DSCAML1: variants seen among roughly 807,000 people sequenced by gnomAD.
DSCAML1 encodes the protein cell adhesion molecule DSCAML1.
DSCAML1 carries 38 observed loss-of-function variants against 200.5 expected under a neutral mutation model. The ratio of observed to expected loss-of-function variants is 0.19; its 90% CI spans 0.15 to 0.25. DSCAML1 has a LOEUF of 0.25. DSCAML1 is among the 10% of genes least tolerant of loss of function. The pLI, the probability that DSCAML1 is intolerant of heterozygous loss-of-function variation, is 1.00. For missense variants in DSCAML1, 2,223 were observed against 2,858.8 expected (o/e 0.78, Z 5.07); for synonymous variants, 1,215 against 1,165.0 (o/e 1.04, Z -0.87).
At chr11:117,795,080 C>T (rs2055545743) in intron 1 of DSCAML1, among the ~76,000 whole-genome samples, 1 of 152,206 alleles carries the variant, frequency 6.6e-6, no homozygotes, top group African/African-American at 2.4e-5. Flanking sequence ...TGCTCCCGCC[C>T]TATCAAATAG....
At chr11:117,560,529 G>A (rs1326678921) in intron 3 of DSCAML1, among the ~76,000 whole-genome samples, 5 of 152,140 alleles carry the variant, frequency 3.3e-5, no homozygotes, top group Admixed American at 2.0e-4. Context: ...GTTAACTCAC[G>A]GGAAAGCCAG....
intron 17 of DSCAML1, among the ~76,000 whole-genome samples, chr11:117,464,137 G>A (rs1824178666): frequency 5.3e-5 from 8 of 152,158 alleles, no homozygotes; most frequent in Admixed American, 3.3e-4. Flanking sequence ...TGTTGGGGCG[G>A]GGTGGGTAGG....
intron 8 of DSCAML1, among the ~76,000 whole-genome samples, chr11:117,508,689 A>G (rs2049557554): frequency 6.6e-6 from 1 of 152,100 alleles, no homozygotes; most frequent in South Asian, 2.1e-4. Context: ...GAACACGAGC[A>G]AGGGGAGGGT....
intron 27 of DSCAML1, among the ~76,000 whole-genome samples, chr11:117,433,992 T>G (rs921640756): frequency 7.9e-5 from 12 of 152,204 alleles, no homozygotes; most frequent in Admixed American, 4.6e-4. Context: ...GGCCCCTGCT[T>G]TGTCTCAGAG....
At chr11:117,681,007 C>A (rs780831782) in intron 3 of DSCAML1, among the ~76,000 whole-genome samples, 2 of 152,206 alleles carry the variant, frequency 1.3e-5, no homozygotes, top group African/African-American at 2.4e-5. Flanking sequence ...GAAGAGGGGC[C>A]TCTGCTCCCC....
intron 3 of DSCAML1, among the ~76,000 whole-genome samples, chr11:117,689,201 C>G (rs2053456268): frequency 6.6e-6 from 1 of 152,218 alleles, no homozygotes; most frequent in South Asian, 2.1e-4. Context: ...TGGTTCTAGA[C>G]AGAAACGTTT....
At chr11:117,678,014 A>G (rs879225599) in intron 3 of DSCAML1, among the ~76,000 whole-genome samples, 2 of 152,330 alleles carry the variant, frequency 1.3e-5, no homozygotes, top group East Asian at 1.9e-4. Context: ...CCGGAGACCA[A>G]CCAAAAAGGT....
At chr11:117,486,381 TGGC>T (rs1389380259) in intron 11 of DSCAML1, among the ~76,000 whole-genome samples, 3 of 150,200 alleles carry the variant, frequency 2.0e-5, no homozygotes, top group African/African-American at 7.4e-5. Context: ...GATGTGAAAA[TGGC>T]GGATGTGAAA....
chr11:117,508,450 C>T (rs1330647336), intron 8 of DSCAML1, among the ~76,000 whole-genome samples: 3 of 151,898 alleles, frequency 2.0e-5, no homozygotes, highest in African/African-American at 7.3e-5. Flanking sequence ...CACAAACATA[C>T]GTCTCAATAT....
At chr11:117,531,087 G>C (rs1180306444) in intron 4 of DSCAML1, among the ~76,000 whole-genome samples, 4 of 152,212 alleles carry the variant, frequency 2.6e-5, no homozygotes, top group Non-Finnish European at 5.9e-5. Context: ...CGCGCAGGCT[G>C]TGATAAGAAC....
chr11:117,744,134 T>C (rs2054472583), intron 3 of DSCAML1, among the ~76,000 whole-genome samples: 1 of 152,250 alleles, frequency 6.6e-6, no homozygotes, highest in Admixed American at 6.5e-5. Flanking sequence ...GCATTTCACA[T>C]GGGTTATCTC....
chr11:117,542,371 G>A (rs2050288907), intron 3 of DSCAML1, among the ~76,000 whole-genome samples: 2 of 151,240 alleles, frequency 1.3e-5, no homozygotes. Context: ...AAACAGTGCA[G>A]GCGATGTAGT....
chr11:117,589,923 G>A (rs2051224977), intron 3 of DSCAML1, among the ~76,000 whole-genome samples: 2 of 152,186 alleles, frequency 1.3e-5, no homozygotes, highest in Admixed American at 1.3e-4. Flanking sequence ...AATGAACAGA[G>A]CTTGGGTTGA....
At chr11:117,620,036 G>A (rs947424812) in intron 3 of DSCAML1, among the ~76,000 whole-genome samples, 6 of 152,130 alleles carry the variant, frequency 3.9e-5, no homozygotes, top group Non-Finnish European at 7.4e-5. Context: ...AGCAAATTTC[G>A]TGAAACATCT....
intron 3 of DSCAML1, among the ~76,000 whole-genome samples, chr11:117,676,942 G>A (rs1046187338): frequency 2.0e-5 from 3 of 152,206 alleles, no homozygotes; most frequent in Non-Finnish European, 4.4e-5. Context: ...GGGTCCCACC[G>A]GGACAGGGGA....
At chr11:117,724,664 G>T (rs2054093464) in intron 3 of DSCAML1, among the ~76,000 whole-genome samples, 1 of 152,246 alleles carries the variant, frequency 6.6e-6, no homozygotes, top group Non-Finnish European at 1.5e-5. Flanking sequence ...TACAGCCTCA[G>T]TGGAAATGGT....
At chr11:117,510,587 C>T (rs1592681080) in intron 8 of DSCAML1, among the ~76,000 whole-genome samples, 2 of 152,152 alleles carry the variant, frequency 1.3e-5, no homozygotes, top group South Asian at 2.1e-4. Flanking sequence ...CTCTCAGCCT[C>T]TCTCCTGTTT....
In DSCAML1 at chr11:117,568,824, A is replaced by C. The variant is rs569280224; in HGVS notation, c.512-36302T>G. ...GGTAATTTACAGATTCAATGCCATCACCATCAGGCTACCAATGACTTTCTT... is the reference window on the plus strand; with the variant it reads ...GGTAATTTACAGATTCAATGCCATCCCCATCAGGCTACCAATGACTTTCTT... On this transcript the variant is annotated intron_variant, in intron 3 of 32. Coordinates refer to ENST00000651296, the MANE Select transcript of DSCAML1 (RefSeq NM_020693.4). Among the ~76,000 whole-genome samples, 919 of 152,324 alleles carry C rather than the reference A, an allele frequency of 6.0e-3. 4 individuals are homozygous for C. The highest frequency in any genetic ancestry group is 0.019 in the African/African-American group (785 of 41,560).
At chr11:117,715,606 C>T (rs2137780702) in intron 3 of DSCAML1, among the ~76,000 whole-genome samples, 1 of 152,266 alleles carries the variant, frequency 6.6e-6, no homozygotes, top group African/African-American at 2.4e-5. Context: ...CGTTTGAATC[C>T]CCTGTGCCTG....
Sources: allele counts gnomAD v4.1 joint callset (sites outside exome capture counted in the v4.1 genomes callset), GRCh38; gene constraint gnomAD v4.1.1; transcripts MANE v1.5; gene names NCBI Gene and HGNC (gene_info 2026-07-23, HGNC 2026-07-21).